Variants in THSD4 observed in about 807,000 individuals in gnomAD.
THSD4 encodes thrombospondin type 1 domain containing 4, also known as thrombospondin type-1 domain-containing protein 4.
In THSD4, 69 loss-of-function variants were observed where a neutral mutation model predicts 119.0. The observed-to-expected ratio is 0.58, with a 90% CI of 0.48 to 0.71. THSD4 has a LOEUF of 0.71. Among genes scored for constraint, THSD4 ranks in the 30% least tolerant of loss-of-function variants. The pLI, the probability that THSD4 is intolerant of heterozygous loss-of-function variation, is 0.00. For synonymous variants in THSD4, 524 were observed against 540.4 expected (o/e 0.97, Z 0.42); for missense variants, 1,393 against 1,391.1 (o/e 1.00, Z -0.02).
rs566077376 is a variant in THSD4 at position 71,210,080 on chromosome 15, G to A, written c.100-4955G>A. ...ACATTGGGTATAAAGTCATTTAAAC[G>A]CTATCACTCCAATTTTTGTGACCTT... On this transcript the variant is annotated intron_variant, in intron 3 of 17. Coordinates refer to ENST00000261862, the MANE Select transcript of THSD4 (RefSeq NM_024817.3). 5.3e-5 allele frequency among the ~76,000 whole-genome samples: 8 copies of A among 152,248 alleles called. No homozygotes were observed. In the South Asian group the frequency reaches 6.2e-4, roughly 12 times the overall value.
rs534255581 is a variant in THSD4 at position 71,467,845 on chromosome 15, G to T, written c.1152+56022G>T. ...TGAATAAGTCTCAGGAGATATGATG[G>T]TTTTTTTTTTTTTCTTTTTTTGAGA... On this transcript the variant is annotated intron_variant, in intron 7 of 17. Transcript: ENST00000261862. 2.0e-3 allele frequency among the ~76,000 whole-genome samples: 288 copies of T among 143,702 alleles called. 1 individual carries two copies. Among genetic ancestry groups the T allele is most frequent in the Non-Finnish European group, 3.1e-3 (202 of 66,214 alleles). 94.3% of individuals were successfully genotyped at this position (143,702 alleles called of 152,430 possible). A position where few individuals can be genotyped will look rare whatever the true frequency, so the allele number is the denominator to read the frequency against.
At chr15:71,239,950 A>G (rs905851431) in intron 4 of THSD4, among the ~76,000 whole-genome samples, 3 of 152,196 alleles carry the variant, frequency 2.0e-5, no homozygotes, top group Admixed American at 2.0e-4. Flanking sequence ...TAGAAATCAG[A>G]TCTCTCATAA....
chr15:71,209,828 C>T (rs2043874304), intron 3 of THSD4, among the ~76,000 whole-genome samples: 1 of 152,086 alleles, frequency 6.6e-6, no homozygotes, highest in Non-Finnish European at 1.5e-5. Flanking sequence ...CTTTCCTGTG[C>T]TATTCTTATG....
At chr15:71,758,314 A>G (rs1016322945) in intron 15 of THSD4, among the ~76,000 whole-genome samples, 8 of 152,358 alleles carry the variant, frequency 5.3e-5, no homozygotes, top group Middle Eastern at 3.4e-3. Flanking sequence ...AGCAACACAA[A>G]TATCTCTGCC....
At chr15:71,322,237 T>G (rs1206504028) in intron 6 of THSD4, among the ~76,000 whole-genome samples, 1 of 152,130 alleles carries the variant, frequency 6.6e-6, no homozygotes, top group Non-Finnish European at 1.5e-5. Flanking sequence ...AAACAGGATT[T>G]CCATGAGTTG....
chr15:71,328,931 G>T (rs554931137), intron 6 of THSD4, among the ~76,000 whole-genome samples: 8 of 152,328 alleles, frequency 5.3e-5, no homozygotes, highest in African/African-American at 1.9e-4. Context: ...CTGATCTGTA[G>T]AATGAGGCTG....
chr15:71,220,435 A>C (rs2043965903), intron 4 of THSD4, among the ~76,000 whole-genome samples: 1 of 152,230 alleles, frequency 6.6e-6, no homozygotes, highest in African/African-American at 2.4e-5. Context: ...GAGCTCTCCC[A>C]AGGATTCCGA....
intron 6 of THSD4, among the ~76,000 whole-genome samples, chr15:71,362,705 G>T (rs191011871): frequency 3.9e-5 from 6 of 152,176 alleles, no homozygotes; most frequent in Admixed American, 6.5e-5. Context: ...CCGGTGCTAT[G>T]CTCTGGAGTT....
At chr15:71,165,094 C>T (rs2043283009) in intron 3 of THSD4, 2 of 1,611,288 alleles carry the variant, frequency 1.2e-6, no homozygotes, top group African/African-American at 2.7e-5. Context: ...TTGGGCGATA[C>T]TCAGAGCAGA....
intron 7 of THSD4, among the ~76,000 whole-genome samples, chr15:71,601,025 G>T (rs1333704446): frequency 1.3e-5 from 2 of 152,150 alleles, no homozygotes; most frequent in Non-Finnish European, 2.9e-5. Flanking sequence ...GGCATTACAG[G>T]CATGAGCCAC....
chr15:71,667,051 G>A (rs2051430641), intron 8 of THSD4, among the ~76,000 whole-genome samples: 1 of 152,042 alleles, frequency 6.6e-6, no homozygotes, highest in African/African-American at 2.4e-5. Context: ...ATCTCATTTG[G>A]GGTTATACAC....
intron 6 of THSD4, among the ~76,000 whole-genome samples, chr15:71,379,805 T>A (rs1454596604): frequency 6.6e-6 from 1 of 151,704 alleles, no homozygotes; most frequent in Non-Finnish European, 1.5e-5. Context: ...TGACCTTTGT[T>A]GTTGTTGTTG....
chr15:71,643,170 A>G (rs759025844), intron 7 of THSD4, among the ~76,000 whole-genome samples: 12 of 152,272 alleles, frequency 7.9e-5, no homozygotes, highest in Non-Finnish European at 1.8e-4. Context: ...TGCATATGCT[A>G]AATCATCTGG....
chr15:71,355,990 C>A (rs1406329574), intron 6 of THSD4, among the ~76,000 whole-genome samples: 4 of 152,218 alleles, frequency 2.6e-5, no homozygotes, highest in Admixed American at 6.5e-5. Flanking sequence ...GCCTCAACCT[C>A]CTGAGTAGCT....
chr15:71,509,421 T>G lies in THSD4; in HGVS notation c.1152+97598T>G, dbSNP rs557838720. 4.6e-5 allele frequency among the ~76,000 whole-genome samples: 7 copies of G among 152,350 alleles called. 1 individual carries two copies. The South Asian group carries it at 1.2e-3, about 27-fold the overall frequency. On this transcript the variant is annotated intron_variant, in intron 7 of 17. Transcript: ENST00000261862. ...AAGTCCTTTGTCTCATTATCCAAGA[T>G]TCTCTGCTAGTATCCATGAAACCAT...
intron 6 of THSD4, among the ~76,000 whole-genome samples, chr15:71,374,755 A>G (rs2046107975): frequency 6.6e-6 from 1 of 152,184 alleles, no homozygotes; most frequent in Admixed American, 6.5e-5. Flanking sequence ...GAAAACGCCC[A>G]ATCTCTGTTT....
upstream of THSD4, chr15:71,110,966 G>A: frequency 1.6e-6 from 1 of 620,594 alleles, no homozygotes; most frequent in South Asian, 2.0e-5. Flanking sequence ...AAGAAAGGGA[G>A]GCTGTGGACT....
At chr15:71,120,443 A>T (rs2040399692) in intron 1 of THSD4, among the ~76,000 whole-genome samples, 1 of 152,126 alleles carries the variant, frequency 6.6e-6, no homozygotes, top group African/African-American at 2.4e-5. Flanking sequence ...CATCCCAGGC[A>T]TTGGCGCCCA....
intron 15 of THSD4, among the ~76,000 whole-genome samples, chr15:71,758,834 GA>G (rs1474337608): frequency 2.0e-5 from 3 of 151,968 alleles, no homozygotes; most frequent in Admixed American, 1.3e-4. Context: ...ACTGACCTTG[GA>G]AAAAAATGCA....
Sources: gnomAD v4.1 joint callset for allele counts (sites outside exome capture counted in the v4.1 genomes callset) on GRCh38, gnomAD v4.1.1 for gene constraint, MANE v1.5 for transcripts, NCBI Gene and HGNC (gene_info 2026-07-23, HGNC 2026-07-21) for gene names.